Variants in DCD observed in about 807,000 individuals in gnomAD.
DCD encodes diffusible survival/evasion peptide.
Under a neutral mutation model 14.5 loss-of-function variants are expected in DCD, and 17 were observed. The ratio of observed to expected loss-of-function variants is 1.18; its 90% CI spans 0.81 to 1.76. The LOEUF is 1.76. Ranked by LOEUF, DCD falls within the 40% of genes most tolerant of loss-of-function variation. The probability of loss-of-function intolerance (pLI) is 0.00; values close to 1 mark genes in which losing one functional copy is unlikely to be tolerated. For missense variants in DCD, 139 were observed against 133.4 expected, an observed-to-expected ratio of 1.04 and a Z score of -0.21; for synonymous variants, 64 against 54.0, an observed-to-expected ratio of 1.19 and a Z score of -0.82.
chr12:54,647,055 C>T, intron 2 of DCD, 66 bp downstream of exon 2: 2 of 1,496,614 alleles, frequency 1.3e-6, no homozygotes, highest in Middle Eastern at 1.7e-4. Flanking sequence ...TGACTTCCTC[C>T]ACTCATATCC....
intron 4 of DCD, chr12:54,644,962 G>A: frequency 2.6e-6 from 4 of 1,548,050 alleles, no homozygotes; most frequent in Non-Finnish European, 3.5e-6. Flanking sequence ...GCAGGGGCAG[G>A]GGGCAAGAGC....
chr12:54,648,363 G>C lies in DCD; in HGVS notation c.-60C>G. 1.9e-6 allele frequency: 3 copies of C among 1,608,768 alleles called. No homozygotes were observed. The highest frequency in any genetic ancestry group is 2.5e-6 in the Non-Finnish European group (3 of 1,177,348). On this transcript the variant is annotated 5_prime_UTR_variant, in exon 1 of 5. Coordinates refer to ENST00000293371, the MANE Select transcript of DCD (RefSeq NM_053283.4). ...CCTTGGAGATCTTGGGATCTAGGGT[G>C]TCAAGACTGCCTCTCTGGGCCTTTT...
intron 4 of DCD, 86 bp downstream of exon 4, chr12:54,645,087 A>G (rs1327174504): frequency 6.6e-7 from 1 of 1,516,142 alleles, no homozygotes; most frequent in Non-Finnish European, 9.1e-7. Context: ...GGGGTCTTCA[A>G]TGGGGGGGCT....
intron 2 of DCD, chr12:54,646,037 G>A (rs1272088355): frequency 1.5e-5 from 7 of 462,144 alleles, no homozygotes; most frequent in Admixed American, 9.4e-5. Flanking sequence ...CTAGTGTGGG[G>A]AGGTTTTGCA....
Position 54,648,351 on chromosome 12 carries a change from G to C in DCD, c.-48C>G. The C allele has an allele frequency of 6.2e-7, 1 of 1,611,946 alleles. No individual in the cohort carries two copies. The stretch of plus-strand genomic sequence containing the variant: ...ATGCCACCAAATCCTTGGAGATCTT[G>C]GGATCTAGGGTGTCAAGACTGCCTC... On this transcript the variant is annotated 5_prime_UTR_variant, in exon 1 of 5. Coordinates refer to ENST00000293371, the MANE Select transcript of DCD (RefSeq NM_053283.4).
chr12:54,644,899 A>G (rs780661574), intron 4 of DCD, 143 bp from the exon 5 acceptor site: 1 of 1,550,554 alleles, frequency 6.4e-7, no homozygotes, highest in African/African-American at 1.4e-5. Context: ...AGTCAGAGGG[A>G]TGGAGGTTAG....
chr12:54,648,018 A>G (rs569268578), intron 1 of DCD, among the ~76,000 whole-genome samples: 24 of 152,338 alleles, frequency 1.6e-4, no homozygotes, highest in African/African-American at 5.8e-4. Context: ...AGAGTGGGCC[A>G]ATCACAGACT....
Position 54,644,712 on chromosome 12 carries a change from G to T in DCD, c.*1C>A. 6.2e-7 allele frequency: 1 copy of T among 1,603,988 alleles called. No homozygotes were observed. Among genetic ancestry groups the T allele is most frequent in the Non-Finnish European group, 8.5e-7 (1 of 1,175,302 alleles). On this transcript the variant is annotated 3_prime_UTR_variant, in exon 5 of 5. Coordinates refer to ENST00000293371, the MANE Select transcript of DCD (RefSeq NM_053283.4). ...TATCATTTCTCAGCTTCTCCTTACA[G>T]CTATAGTACTGAGTCAAGGACGTCT...
chr12:54,646,128 C>T (rs1465970950), intron 2 of DCD: 1 of 456,722 alleles, frequency 2.2e-6, no homozygotes, highest in South Asian at 1.5e-5. Context: ...GCTTCTGTAG[C>T]TGTAAACAAT....
chr12:54,648,115 G>T, intron 1 of DCD, 131 bp downstream of exon 1: 1 of 970,108 alleles, frequency 1.0e-6, no homozygotes, highest in Non-Finnish European at 1.6e-6. Flanking sequence ...AGAACCTAGT[G>T]GGAGGCAGGA....
chr12:54,645,351 G>T, intron 3 of DCD, 89 bp from the exon 4 acceptor site: 1 of 1,312,994 alleles, frequency 7.6e-7, no homozygotes, highest in Non-Finnish European at 1.1e-6. Flanking sequence ...GGCACCATGG[G>T]CACCCCTAAG....
chr12:54,646,080 G>A, intron 2 of DCD: 1 of 458,364 alleles, frequency 2.2e-6, no homozygotes, highest in Non-Finnish European at 4.4e-6. Flanking sequence ...TAGGCAGGTT[G>A]GTGGATGAGG....
chr12:54,647,272 C>G (rs1443830770), intron 1 of DCD, 113 bp from the exon 2 acceptor site: 4 of 1,020,232 alleles, frequency 3.9e-6, no homozygotes, highest in Non-Finnish European at 4.3e-6. Context: ...TGGCAGTGGA[C>G]AGACAGGAGA....
chr12:54,644,902 G>A (rs1329712322), intron 4 of DCD, 146 bp from the exon 5 acceptor site: 7 of 1,550,592 alleles, frequency 4.5e-6, no homozygotes, highest in Non-Finnish European at 4.4e-6. Context: ...CAGAGGGATG[G>A]AGGTTAGATT....
chr12:54,647,096 G>C (rs1478911749), intron 2 of DCD, 25 bp downstream of exon 2: 1 of 1,553,334 alleles, frequency 6.4e-7, no homozygotes, highest in Admixed American at 1.9e-5. Context: ...CCAGGACTGG[G>C]GCAGGAGGAA....
At chr12:54,646,264 G>T in intron 2 of DCD, 2 of 404,002 alleles carry the variant, frequency 5.0e-6, no homozygotes, top group South Asian at 1.8e-5. Flanking sequence ...GGCAGGGAGG[G>T]TGCAGGTGTG....
Position 54,644,623 on chromosome 12 carries a change from AAT to A in DCD, c.*88_*89del, listed in dbSNP as rs1491586993. On this transcript the variant is annotated 3_prime_UTR_variant, in exon 5 of 5. Transcript: ENST00000293371. ...TGCTTTCAGTTTAATAGCTGTTTTA[AAT>A]TTTTTTTTTTTTTTTTTTTTTTAGG... The A allele has an allele frequency of 1.7e-4, 148 of 878,958 alleles. No individual in the cohort carries two copies. In the African/African-American group the frequency reaches 2.4e-3, roughly 14 times the overall value. The allele number at this position is 878,958 out of a possible 1,614,324, so 54.4% of individuals were successfully genotyped here.
chr12:54,645,894 C>T, intron 2 of DCD, 187 bp from the exon 3 acceptor site: 1 of 589,482 alleles, frequency 1.7e-6, no homozygotes, highest in Non-Finnish European at 3.1e-6. Flanking sequence ...TTTCCTGCTG[C>T]CTCCAAGACT....
chr12:54,645,187 T>C lies in DCD; in HGVS notation c.275A>G (p.Glu92Gly). ...KLGKDAVEDL[E>G]SVGKGAVHDV... ...CATATACTCACCTTTACCCACGCTTTCTAGATCTTCGACTGCATCTTTTCC... is the reference window on the plus strand; with the variant it reads ...CATATACTCACCTTTACCCACGCTTCCTAGATCTTCGACTGCATCTTTTCC... Residue 92 changes from glutamate to glycine, a missense_variant, in exon 4 of 5, where the codon GAA (glutamate) becomes GGA (glycine). Transcript: ENST00000293371. 2 of 1,614,098 alleles carry C rather than the reference T, an allele frequency of 1.2e-6. No individual in the cohort carries two copies. The highest frequency in any genetic ancestry group is 1.7e-6 in the Non-Finnish European group (2 of 1,180,012).
Sources: allele counts gnomAD v4.1 joint callset (sites outside exome capture counted in the v4.1 genomes callset), GRCh38; gene constraint gnomAD v4.1.1; transcripts MANE v1.5; gene names NCBI Gene and HGNC (gene_info 2026-07-23, HGNC 2026-07-21).